The following SHROOM3 variants were observed in gnomAD, a reference collection of about 807,000 sequenced individuals.
SHROOM3 encodes the protein shroom family member 3.
A neutral mutation model predicts 138.6 loss-of-function variants in SHROOM3; 47 were observed. The ratio of observed to expected loss-of-function variants is 0.34; its 90% confidence interval spans 0.27 to 0.43. SHROOM3 has a LOEUF of 0.43. Ranked by LOEUF, SHROOM3 falls within the 20% of genes least tolerant of loss-of-function variation. The probability of loss-of-function intolerance (pLI) is 1.00; values close to 1 mark genes in which losing one functional copy is unlikely to be tolerated. For synonymous variants in SHROOM3, 1,062 were observed against 1,063.3 expected (o/e 1.00, Z 0.02); for missense variants, 2,491 against 2,596.5 (o/e 0.96, Z 0.88).
rs139507632 is a variant in SHROOM3 at position 76,452,359 on chromosome 4, G to C, written c.168+16139G>C. On this transcript the variant is annotated intron_variant, in intron 1 of 10. Coordinates refer to ENST00000296043, the MANE Select transcript of SHROOM3 (RefSeq NM_020859.4). ...TTTCATCTTCCCAAACTGAAACTCT[G>C]TATCCATTAAAAACCAATTCTCCAT... 3.2e-3 allele frequency among the ~76,000 whole-genome samples: 490 copies of C among 152,284 alleles called. 3 individuals are homozygous for C. Among genetic ancestry groups the C allele is most frequent in the African/African-American group, 0.011 (463 of 41,546 alleles).
chr4:76,600,627 G>T (rs921305163), intron 2 of SHROOM3, among the ~76,000 whole-genome samples: 1 of 152,166 alleles, frequency 6.6e-6, no homozygotes. Flanking sequence ...CTTGATAAGA[G>T]ACCGGGTGAC....
intron 10 of SHROOM3, among the ~76,000 whole-genome samples, chr4:76,777,312 C>G (rs1722600066): frequency 6.6e-6 from 1 of 152,170 alleles, no homozygotes; most frequent in South Asian, 2.1e-4. Flanking sequence ...AGGTCTTTAA[C>G]CTCCTTGATT....
intron 2 of SHROOM3, among the ~76,000 whole-genome samples, chr4:76,684,010 A>G (rs1719267661): frequency 6.6e-6 from 1 of 152,216 alleles, no homozygotes; most frequent in South Asian, 2.1e-4. Flanking sequence ...TATTGTATGT[A>G]CTGGTGGATG....
chr4:76,539,716 G>T (rs1733059421), intron 1 of SHROOM3, among the ~76,000 whole-genome samples: 1 of 152,214 alleles, frequency 6.6e-6, no homozygotes, highest in Non-Finnish European at 1.5e-5. Context: ...TAACTTCTAA[G>T]CATGGGGGCC....
Position 76,741,893 on chromosome 4 carries a change from C to T in SHROOM3, c.3720C>T (p.Ser1240=). Residue 1240 remains serine, a synonymous_variant, in exon 5 of 11, where the codon TCC becomes TCT. Coordinates refer to ENST00000296043, the MANE Select transcript of SHROOM3 (RefSeq NM_020859.4). The surrounding 1 kb of genome is among the most constrained non-coding windows in gnomAD (Gnocchi z 6.2). The stretch of plus-strand genomic sequence containing the variant: ...TTGCGGGCCCTGTCCATGTGAGGTC[C>T]AGGTCATCTCCCGCCACCGCAGACA... ...DVLAGPVHVR[S]RSSPATADKR... 6.2e-7 allele frequency: 1 copy of T among 1,612,372 alleles called. No homozygotes were observed. Among genetic ancestry groups the T allele is most frequent in the Non-Finnish European group, 8.5e-7 (1 of 1,179,970 alleles).
At chr4:76,756,373 CTT>C in intron 7 of SHROOM3, 74 bp from the exon 8 acceptor site, 1 of 1,525,512 alleles carries the variant, frequency 6.6e-7, no homozygotes, top group Non-Finnish European at 8.8e-7. Context: ...TCTCCACCCT[CTT>C]ATCATCACCC....
chr4:76,558,592 C>G (rs1577884552), intron 2 of SHROOM3, among the ~76,000 whole-genome samples: 1 of 152,140 alleles, frequency 6.6e-6, no homozygotes, highest in African/African-American at 2.4e-5. Flanking sequence ...ATGACTGTCT[C>G]AGACCTTGTG....
chr4:76,546,138 T>C (rs184953976), intron 1 of SHROOM3, among the ~76,000 whole-genome samples: 1 of 152,330 alleles, frequency 6.6e-6, no homozygotes, highest in Admixed American at 6.5e-5. Context: ...GGTGGTCTTA[T>C]AGTAATGCAG....
chr4:76,741,209 T>C lies in SHROOM3; in HGVS notation c.3036T>C (p.Thr1012=), dbSNP rs1289790835. 6.2e-7 allele frequency: 1 copy of C among 1,606,984 alleles called. No individual in the cohort carries two copies. ...GGAGAGGTGCTCGCCGGCGCCTGAC[T>C]CCCGAGCAGAAGAAGCGCTCCTACT... ...AARRGARRRL[T]PEQKKRSYSE... is the part of the protein sequence containing the mutation. Residue 1012 remains threonine (T), a synonymous_variant, in exon 5 of 11, where the codon ACT becomes ACC. Transcript: ENST00000296043. This position sits in a 1 kb window ranked among gnomAD's most constrained non-coding sequence, Gnocchi z 6.2.
At chr4:76,621,081 G>A (rs1734994554) in intron 2 of SHROOM3, among the ~76,000 whole-genome samples, 1 of 152,016 alleles carries the variant, frequency 6.6e-6, no homozygotes, top group South Asian at 2.1e-4. Flanking sequence ...TGGTTTCAGT[G>A]GGATTTCTGT....
intron 1 of SHROOM3, among the ~76,000 whole-genome samples, chr4:76,542,674 A>G (rs2110021613): frequency 6.6e-6 from 1 of 152,346 alleles, no homozygotes; most frequent in South Asian, 2.1e-4. Context: ...TCCAGAAAAG[A>G]ACACAGCTAG....
At chr4:76,707,947 G>T (rs1720107052) in intron 2 of SHROOM3, among the ~76,000 whole-genome samples, 1 of 152,102 alleles carries the variant, frequency 6.6e-6, no homozygotes, top group Admixed American at 6.6e-5. Flanking sequence ...GCTCACCCAG[G>T]TGCCCAGGCT....
In SHROOM3 at chr4:76,770,689, C is replaced by T. The variant is rs2109791834; in HGVS notation, c.5413C>T (p.Leu1805Phe). ...ETLQEAKGSL[L>F]TDIKLNNALG... is the part of the protein sequence containing the mutation. ...CCTCCAGGAGGCGAAGGGGAGCCTG[C>T]TCACGGACATCAAGCTCAACAACGC... is the stretch of plus-strand genomic sequence containing the variant. The change falls in exon 10 of 11, where the codon CTC becomes TTC. Residue 1805 changes from leucine (L) to phenylalanine (F), a missense_variant. Leu to Phe is a conservative substitution (Grantham distance 22). Transcript: ENST00000296043. 1.2e-6 allele frequency: 2 copies of T among 1,614,174 alleles called. No individual in the cohort carries two copies. Among genetic ancestry groups the T allele is most frequent in the South Asian group, 2.2e-5 (2 of 91,074 alleles).
At chr4:76,552,072 AG>A (rs527444275) in intron 1 of SHROOM3, among the ~76,000 whole-genome samples, 1,790 of 149,074 alleles carry the variant, frequency 0.012, 23 homozygotes, top group South Asian at 0.051. Flanking sequence ...CGTGTTAGCC[AG>A]GATGGACTCG....
chr4:76,733,090 C>G (rs1720930117), intron 4 of SHROOM3, among the ~76,000 whole-genome samples: 1 of 152,134 alleles, frequency 6.6e-6, no homozygotes, highest in Admixed American at 6.5e-5. Context: ...CATCCTTACT[C>G]CTAACCTTCT....
chr4:76,440,480 A>T (rs1730647549), intron 1 of SHROOM3, among the ~76,000 whole-genome samples: 1 of 152,204 alleles, frequency 6.6e-6, no homozygotes, highest in Non-Finnish European at 1.5e-5. Flanking sequence ...TCATTATATA[A>T]GTTTTTAAAT....
rs749120067 is a variant in SHROOM3, at chr4:76,756,433, T to TA, written c.4710-13dup. 5.1e-6 allele frequency: 8 copies of TA among 1,557,992 alleles called. No individual in the cohort carries two copies. The highest frequency in any genetic ancestry group is 1.4e-5 in the African/African-American group (1 of 72,864). On this transcript the variant is annotated splice_polypyrimidine_tract_variant and intron_variant, in intron 7 of 10. Coordinates refer to ENST00000296043, the MANE Select transcript of SHROOM3 (RefSeq NM_020859.4). ...TCTCTCTCTCTTTTTTTTTTTTTTTTAAATATCCCTGGCAGCTTCAACAAA... is the reference window on the plus strand; with the variant it reads ...TCTCTCTCTCTTTTTTTTTTTTTTTTAAAATATCCCTGGCAGCTTCAACAAA...
At chr4:76,513,209 C>G (rs1161259236) in intron 1 of SHROOM3, among the ~76,000 whole-genome samples, 1 of 152,120 alleles carries the variant, frequency 6.6e-6, no homozygotes, top group African/African-American at 2.4e-5. Flanking sequence ...TACATGTATG[C>G]TTTCGACTCT....
intron 6 of SHROOM3, among the ~76,000 whole-genome samples, chr4:76,752,612 C>T (rs1721664564): frequency 6.6e-6 from 1 of 151,946 alleles, no homozygotes; most frequent in African/African-American, 2.4e-5. Context: ...GGGACTTGAA[C>T]AAAGTCTTTT....
Sources: gnomAD v4.1 joint callset for allele counts (sites outside exome capture counted in the v4.1 genomes callset) on GRCh38, gnomAD v4.1.1 for gene constraint, Gnocchi (gnomAD v3.1) non-coding constraint, MANE v1.5 for transcripts, NCBI Gene and HGNC (gene_info 2026-07-23, HGNC 2026-07-21) for gene names.